The following ADAM17 variants were observed in gnomAD, a reference collection of about 807,000 sequenced individuals.
ADAM17 encodes the protein disintegrin and metalloproteinase domain-containing protein 17.
In ADAM17, 39 loss-of-function variants were observed where a neutral mutation model predicts 96.7. The ratio of observed to expected loss-of-function variants is 0.40; its 90% CI spans 0.31 to 0.53. The LOEUF (loss-of-function observed/expected upper bound fraction) is 0.53. Ranked by LOEUF, ADAM17 falls within the 20% of genes least tolerant of loss-of-function variation. ADAM17 has a pLI of 0.44. For synonymous variants in ADAM17, 344 were observed against 359.2 expected, an observed-to-expected ratio of 0.96 and a Z score of 0.48; for missense variants, 777 against 1,013.2, an observed-to-expected ratio of 0.77 and a Z score of 3.17.
At chr2:9,515,609 C>T (rs558977234) in intron 10 of ADAM17, among the ~76,000 whole-genome samples, 1 of 151,854 alleles carries the variant, frequency 6.6e-6, no homozygotes, top group Non-Finnish European at 1.5e-5. Context: ...TGGCAGCGGG[C>T]ACCTGTAATC....
At chr2:9,550,538 C>T (rs548127539) in intron 1 of ADAM17, among the ~76,000 whole-genome samples, 175 of 149,996 alleles carry the variant, frequency 1.2e-3, no homozygotes, top group African/African-American at 4.2e-3. Flanking sequence ...CTCTGCCTCC[C>T]GGGTTCAAGC....
At chr2:9,495,228 C>T (rs1367551730) in intron 14 of ADAM17, among the ~76,000 whole-genome samples, 1 of 152,196 alleles carries the variant, frequency 6.6e-6, no homozygotes, top group Non-Finnish European at 1.5e-5. Context: ...TCAGTGACCC[C>T]AGGAGCATGA....
At chr2:9,528,949 T>C (rs1231430614) in intron 4 of ADAM17, among the ~76,000 whole-genome samples, 1 of 152,190 alleles carries the variant, frequency 6.6e-6, no homozygotes, top group African/African-American at 2.4e-5. Context: ...GCTCCTAGTA[T>C]ATAACCAAGA....
chr2:9,495,064 C>T (rs1662466853), intron 14 of ADAM17, among the ~76,000 whole-genome samples: 3 of 152,242 alleles, frequency 2.0e-5, no homozygotes, highest in Non-Finnish European at 1.5e-5. Flanking sequence ...CCTCACAATG[C>T]TCTTCTAAAT....
chr2:9,509,360 T>C (rs1558506349), intron 11 of ADAM17, among the ~76,000 whole-genome samples: 1 of 152,242 alleles, frequency 6.6e-6, no homozygotes, highest in East Asian at 1.9e-4. Flanking sequence ...TTAAAGTCTC[T>C]GAAAGTGTTT....
At chr2:9,505,071 C>T (rs1663303527) in intron 12 of ADAM17, 95 bp downstream of exon 12, 8 of 1,328,442 alleles carry the variant, frequency 6.0e-6, no homozygotes, top group Non-Finnish European at 7.4e-6. Context: ...ACACCCCTTT[C>T]AGTTGATTCT....
At chr2:9,552,545 T>G (rs1451684788) in intron 1 of ADAM17, among the ~76,000 whole-genome samples, 1 of 152,196 alleles carries the variant, frequency 6.6e-6, no homozygotes, top group Non-Finnish European at 1.5e-5. Context: ...AGCACTGCAA[T>G]ATGGAGAATC....
At chr2:9,503,440 A>G (rs1255810092) in intron 12 of ADAM17, among the ~76,000 whole-genome samples, 1 of 152,234 alleles carries the variant, frequency 6.6e-6, no homozygotes, top group Non-Finnish European at 1.5e-5. Flanking sequence ...TTCATATCCC[A>G]AGACTGTCAT....
chr2:9,518,361 G>A (rs1206713561), intron 8 of ADAM17, 114 bp from the exon 9 acceptor site: 17 of 1,265,456 alleles, frequency 1.3e-5, no homozygotes, highest in Non-Finnish European at 1.7e-5. Context: ...AACTATGATG[G>A]CATGCAGCTC....
chr2:9,514,870 A>G (rs1054498105), intron 10 of ADAM17, among the ~76,000 whole-genome samples: 1 of 152,014 alleles, frequency 6.6e-6, no homozygotes, highest in Admixed American at 6.6e-5. Context: ...GCGAGACTCC[A>G]TCTCAAAAAA....
chr2:9,526,270 A>C (rs1558516433), intron 5 of ADAM17, 26 bp from the exon 6 acceptor site: 2 of 1,598,866 alleles, frequency 1.3e-6, no homozygotes, highest in East Asian at 2.2e-5. Context: ...ATGCACTATT[A>C]AATCAAAATT....
chr2:9,529,427 G>A (rs1403812134), intron 4 of ADAM17, among the ~76,000 whole-genome samples: 1 of 151,878 alleles, frequency 6.6e-6, no homozygotes, highest in Non-Finnish European at 1.5e-5. Context: ...CTCCAGCCTG[G>A]GTGACAGAGC....
At chr2:9,536,323 CTTGT>C (rs1664957911) in intron 3 of ADAM17, among the ~76,000 whole-genome samples, 1 of 152,024 alleles carries the variant, frequency 6.6e-6, no homozygotes, top group African/African-American at 2.4e-5. Context: ...ACTGCAATTG[CTTGT>C]TTGATAAATT....
In ADAM17 at chr2:9,530,989, A is replaced by G. The variant is rs1463614068; in HGVS notation, c.451-3035T>C. Among the ~76,000 whole-genome samples, 5 of 152,058 alleles carry G rather than the reference A, an allele frequency of 3.3e-5. No individual in the cohort carries two copies. In the South Asian group the frequency reaches 1.0e-3, roughly 32 times the overall value. On this transcript the variant is annotated intron_variant, in intron 4 of 18. Transcript: ENST00000310823. The stretch of plus-strand genomic sequence containing the variant: ...TTATTTTTTTCTGAGACAGAGTTTC[A>G]CCCTGTCACCCACATTGGAGTACAG...
At chr2:9,542,897 T>C (rs906840534) in intron 2 of ADAM17, among the ~76,000 whole-genome samples, 1 of 152,136 alleles carries the variant, frequency 6.6e-6, no homozygotes, top group Admixed American at 6.6e-5. Flanking sequence ...TTTTGCCATG[T>C]TGCCCAGGCT....
At chr2:9,546,327 C>A (rs1265703270) in intron 1 of ADAM17, among the ~76,000 whole-genome samples, 1 of 152,188 alleles carries the variant, frequency 6.6e-6, no homozygotes, top group Non-Finnish European at 1.5e-5. Context: ...TGCATTTCAA[C>A]TGCAATTGAT....
intron 8 of ADAM17, among the ~76,000 whole-genome samples, chr2:9,520,030 A>G (rs1664244195): frequency 6.6e-6 from 1 of 152,254 alleles, no homozygotes; most frequent in Admixed American, 6.5e-5. Context: ...GCTGCACATT[A>G]TGCTTCTCCA....
chr2:9,506,203 C>T (rs1402160059), intron 11 of ADAM17, among the ~76,000 whole-genome samples: 2 of 152,168 alleles, frequency 1.3e-5, no homozygotes, highest in East Asian at 3.9e-4. Flanking sequence ...CCCCAGACAA[C>T]AATCATGAAG....
chr2:9,492,746 CAT>C (rs1367144146), intron 17 of ADAM17, 150 bp downstream of exon 17: 1 of 562,440 alleles, frequency 1.8e-6, no homozygotes, highest in Non-Finnish European at 3.1e-6. Context: ...TTCTACAAGA[CAT>C]GTTCCCCTAG....
Sources: allele counts gnomAD v4.1 joint callset (sites outside exome capture counted in the v4.1 genomes callset), GRCh38; gene constraint gnomAD v4.1.1; transcripts MANE v1.5; gene names NCBI Gene and HGNC (gene_info 2026-07-23, HGNC 2026-07-21).